The following TCF20 variants were observed in gnomAD, a reference collection of about 807,000 sequenced individuals.
TCF20 encodes transcription factor 20.
TCF20 carries 3 observed loss-of-function variants against 148.6 expected under a neutral mutation model. The ratio of observed to expected loss-of-function variants is 0.02; its 90% CI spans 0.01 to 0.05. TCF20 has a LOEUF of 0.05. TCF20 is among the 10% of genes least tolerant of loss of function. The probability of loss-of-function intolerance (pLI) is 1.00; values close to 1 mark genes in which losing one functional copy is unlikely to be tolerated. For missense variants in TCF20, 2,350 were observed against 2,429.3 expected (o/e 0.97, Z 0.69); for synonymous variants, 1,049 against 909.5 (o/e 1.15, Z -2.76).
chr22:42,287,839 G>C (rs965866421), upstream of TCF20, among the ~76,000 whole-genome samples: 1 of 151,890 alleles, frequency 6.6e-6, no homozygotes, highest in Non-Finnish European at 1.5e-5. Flanking sequence ...GTGGTGAGTT[G>C]CATGGAAGTC....
intron 3 of TCF20, 21 bp downstream of exon 3, chr22:42,179,588 G>C (rs1274265018): frequency 2.2e-5 from 35 of 1,570,776 alleles, no homozygotes; most frequent in Non-Finnish European, 3.0e-5. Context: ...CTCTGGACAA[G>C]GGTCTGTGGT....
At chr22:42,187,548 T>C (rs927846875) in intron 2 of TCF20, among the ~76,000 whole-genome samples, 6 of 152,202 alleles carry the variant, frequency 3.9e-5, no homozygotes, top group African/African-American at 7.2e-5. Flanking sequence ...TCCAAATCTC[T>C]TGAGTGTGGC....
intron 1 of TCF20, among the ~76,000 whole-genome samples, chr22:42,307,801 C>G (rs1017523009): frequency 6.6e-6 from 1 of 152,244 alleles, no homozygotes; most frequent in Non-Finnish European, 1.5e-5. Flanking sequence ...TCTTCACACT[C>G]TCCCCTACCC....
chr22:42,186,993 T>C (rs1242063138), intron 2 of TCF20, among the ~76,000 whole-genome samples: 1 of 152,206 alleles, frequency 6.6e-6, no homozygotes, highest in African/African-American at 2.4e-5. Flanking sequence ...CTACAGACAG[T>C]GCCCTCTGTT....
rs1439144639 is a variant in TCF20, at chr22:42,297,688, G to C, written c.-37+45791C>G. Among the ~76,000 whole-genome samples, 1 of 152,162 alleles carries C rather than the reference G, an allele frequency of 6.6e-6. No homozygotes were observed. The highest frequency in any genetic ancestry group is 1.5e-5 in the Non-Finnish European group (1 of 68,032). On this transcript the variant is annotated intron_variant, in intron 1 of 1. Coordinates refer to the TCF20 transcript ENST00000515426. The surrounding 1 kb of genome is among the most constrained non-coding windows in gnomAD (Gnocchi z 4.3). Reference sequence around the variant, plus strand: ...AGACTTAGGAAATACTGGCCAGAGAGAATCTTGAGCCACACAATTCAGACA... The same window carrying C: ...AGACTTAGGAAATACTGGCCAGAGACAATCTTGAGCCACACAATTCAGACA...
intron 2 of TCF20, among the ~76,000 whole-genome samples, chr22:42,207,779 C>T (rs965924321): frequency 1.6e-4 from 25 of 152,266 alleles, no homozygotes; most frequent in African/African-American, 5.8e-4. Context: ...TGCGCCATTG[C>T]ACTCCAGCCT....
chr22:42,262,645 G>A (rs1446446647), intron 1 of TCF20, among the ~76,000 whole-genome samples: 2 of 151,926 alleles, frequency 1.3e-5, no homozygotes, highest in Non-Finnish European at 2.9e-5. Context: ...AGGGAGAAAG[G>A]ACACTGAAAA....
At chr22:42,245,366 C>T (rs903071566) in intron 1 of TCF20, among the ~76,000 whole-genome samples, 4 of 152,066 alleles carry the variant, frequency 2.6e-5, no homozygotes, top group Non-Finnish European at 5.9e-5. Context: ...ACTACTGTGT[C>T]CAGCCTCCTT....
At chr22:42,283,898 A>G (rs1480991551) in exon 1 of TCF20, among the ~76,000 whole-genome samples, 2 of 152,228 alleles carry the variant, frequency 1.3e-5, no homozygotes, top group Non-Finnish European at 2.9e-5. Flanking sequence ...GGGGAGGAAA[A>G]CAACTCCTGA....
intron 1 of TCF20, among the ~76,000 whole-genome samples, chr22:42,231,710 A>G (rs1923418277): frequency 2.0e-5 from 3 of 152,150 alleles, no homozygotes. Context: ...CGGGTGGATC[A>G]CAAGGTCAGC....
intron 1 of TCF20, among the ~76,000 whole-genome samples, chr22:42,331,183 C>G (rs532526812): frequency 6.6e-6 from 1 of 152,216 alleles, no homozygotes; most frequent in South Asian, 2.1e-4. Flanking sequence ...CCGCGGAGCG[C>G]GACTGTCAAC....
At chr22:42,320,060 A>G (rs939337686) in intron 1 of TCF20, among the ~76,000 whole-genome samples, 8 of 152,132 alleles carry the variant, frequency 5.3e-5, no homozygotes, top group African/African-American at 1.9e-4. Context: ...GTTCAGGAGT[A>G]AGATGAAGAA....
intron 1 of TCF20, among the ~76,000 whole-genome samples, chr22:42,238,999 TC>T (rs1437202005): frequency 2.0e-5 from 3 of 151,774 alleles, no homozygotes; most frequent in African/African-American, 4.8e-5. Flanking sequence ...GCACCTGTAG[TC>T]CCAGCTACTC....
chr22:42,274,770 T>C (rs578003557), upstream of TCF20: 1 of 152,242 alleles, frequency 6.6e-6, no homozygotes, highest in Non-Finnish European at 1.5e-5. Flanking sequence ...TGTGAGCATA[T>C]GCAGGGCAGA....
At chr22:42,274,974 C>A (rs1926741397), upstream of TCF20, 1 of 152,212 alleles carries the variant, frequency 6.6e-6, no homozygotes, top group South Asian at 2.1e-4. Flanking sequence ...ACTGTTATCA[C>A]CCCTATTTTA....
chr22:42,289,830 G>T (rs993068416), intron 1 of TCF20, among the ~76,000 whole-genome samples: 1 of 152,066 alleles, frequency 6.6e-6, no homozygotes, highest in Non-Finnish European at 1.5e-5. Flanking sequence ...CCCAAAGAGC[G>T]CCCCAAAGGA....
chr22:42,227,515 G>A (rs1601625066), intron 1 of TCF20, among the ~76,000 whole-genome samples: 3 of 152,160 alleles, frequency 2.0e-5, no homozygotes, highest in African/African-American at 7.2e-5. Context: ...CAGCATACAA[G>A]CCTCCACATC....
chr22:42,241,517 T>C (rs1279612641), intron 1 of TCF20, among the ~76,000 whole-genome samples: 1 of 152,260 alleles, frequency 6.6e-6, no homozygotes, highest in African/African-American at 2.4e-5. Context: ...AACTATCCAT[T>C]GAGTTATTAA....
chr22:42,249,125 G>A (rs1925155864), intron 1 of TCF20, among the ~76,000 whole-genome samples: 1 of 152,184 alleles, frequency 6.6e-6, no homozygotes, highest in South Asian at 2.1e-4. Context: ...CAGAACTCCA[G>A]GCTTGCCAGC....
Sources: gnomAD v4.1 joint callset for allele counts (sites outside exome capture counted in the v4.1 genomes callset) on GRCh38, gnomAD v4.1.1 for gene constraint, Gnocchi (gnomAD v3.1) non-coding constraint, MANE v1.5 for transcripts, NCBI Gene and HGNC (gene_info 2026-07-23, HGNC 2026-07-21) for gene names.